PLXDC1: variants seen among roughly 807,000 people sequenced by gnomAD.
The protein encoded by PLXDC1 is plexin domain-containing protein 1.
PLXDC1 carries 39 observed loss-of-function variants against 61.3 expected under a neutral mutation model. The observed-to-expected ratio is 0.64, with a 90% CI of 0.49 to 0.83. The LOEUF (loss-of-function observed/expected upper bound fraction) is 0.83, where lower values mean the gene tolerates loss of function less well. PLXDC1 is among the 40% of genes least tolerant of loss of function. PLXDC1 has a pLI of 0.00. For missense variants in PLXDC1, 596 were observed against 666.5 expected (o/e 0.89, Z 1.17); for synonymous variants, 212 against 254.5 (o/e 0.83, Z 1.59).
chr17:39,106,855 T>C (rs1910611873), intron 6 of PLXDC1, among the ~76,000 whole-genome samples: 1 of 151,950 alleles, frequency 6.6e-6, no homozygotes. Flanking sequence ...TTTCATCATG[T>C]TGGCCAGGCT....
In PLXDC1 at chr17:39,107,456, A is replaced by G; in HGVS notation, c.662T>C (p.Phe221Ser). Residue 221 changes from phenylalanine to serine, a missense_variant, in exon 6 of 14, where the codon TTC (phenylalanine) becomes TCC (serine). Transcript: ENST00000315392. ...GCCGTCATGGTGCAGAGCTGCCTGGAAGGTGAAACTGCCCTTGTCTTCCCA... is the reference window on the plus strand; with the variant it reads ...GCCGTCATGGTGCAGAGCTGCCTGGGAGGTGAAACTGCCCTTGTCTTCCCA... ...QGWEDKGSFTFQAALHHDGRI... is the reference protein window; with the variant it reads ...QGWEDKGSFTSQAALHHDGRI... 1 of 1,614,102 alleles carries G rather than the reference A, an allele frequency of 6.2e-7. No individual in the cohort carries two copies. The highest frequency in any genetic ancestry group is 8.5e-7 in the Non-Finnish European group (1 of 1,179,978).
At chr17:39,116,310 C>T (rs1910962823) in intron 2 of PLXDC1, among the ~76,000 whole-genome samples, 1 of 152,088 alleles carries the variant, frequency 6.6e-6, no homozygotes, top group African/African-American at 2.4e-5. Context: ...GAGGCTGGAG[C>T]TCAGGGATGG....
At chr17:39,135,818 G>A (rs1911732989) in intron 2 of PLXDC1, among the ~76,000 whole-genome samples, 1 of 152,120 alleles carries the variant, frequency 6.6e-6, no homozygotes, top group African/African-American at 2.4e-5. Context: ...TTGCCCCAGT[G>A]TTTCTGAACC....
rs1908808272 is a variant in PLXDC1, at chr17:39,064,125, A to ACACACAC, written c.*3708_*3714dup. The ACACACAC allele has an allele frequency of 6.5e-6, 1 of 153,536 alleles. No individual in the cohort carries two copies. Among genetic ancestry groups the ACACACAC allele is most frequent in the East Asian group, 1.9e-4 (1 of 5,218 alleles). 9.5% of individuals were successfully genotyped at this position (153,536 alleles called of 1,614,324 possible). A position where few individuals can be genotyped will look rare whatever the true frequency, so the allele number is the denominator to read the frequency against. On this transcript the variant is annotated 3_prime_UTR_variant, in exon 14 of 14. Transcript: ENST00000315392. ...AAACATTAAACAAGGCTGTATACAA[A>ACACACAC]CACACACACAAACATACACAGATAC...
chr17:39,101,353 A>G (rs1910413241), intron 7 of PLXDC1, among the ~76,000 whole-genome samples: 2 of 152,152 alleles, frequency 1.3e-5, no homozygotes, highest in African/African-American at 4.8e-5. Flanking sequence ...CCGGCTTTAT[A>G]TCCAAGTCTA....
chr17:39,108,052 T>C, intron 5 of PLXDC1, 71 bp downstream of exon 5: 1 of 1,590,830 alleles, frequency 6.3e-7, no homozygotes, highest in Non-Finnish European at 8.6e-7. Context: ...CTCTAGGCCC[T>C]GTGCTCCTCT....
At chr17:39,114,110 C>T (rs1567765276) in intron 2 of PLXDC1, among the ~76,000 whole-genome samples, 1 of 152,182 alleles carries the variant, frequency 6.6e-6, no homozygotes, top group African/African-American at 2.4e-5. Context: ...ACAAGAGCCA[C>T]ACCCTAAGGA....
intron 2 of PLXDC1, among the ~76,000 whole-genome samples, chr17:39,128,089 C>CATATATGTGTGTATATATATGTATATA (rs1221469686): frequency 1.5e-5 from 1 of 68,782 alleles, no homozygotes. Flanking sequence ...CTCTCTCTCT[C>CATATATGTGTGTATATATATGTATATA]TCTATGTGTA....
At position 39,115,907 on chromosome 17, in the gene PLXDC1, G is replaced by A. The variant is rs76459798; in HGVS notation, c.256-6516C>T. Among the ~76,000 whole-genome samples the A allele has an allele frequency of 3.0e-4, 46 of 152,206 alleles. No individual in the cohort carries two copies. The East Asian group carries it at 6.4e-3, about 21-fold the overall frequency. On this transcript the variant is annotated intron_variant, in intron 2 of 13. Transcript: ENST00000315392. ...AGACAGGGCGGATCACCTGATGTCC[G>A]GAGTTCAAGACCAGCCTGGCCAACA... is the stretch of plus-strand genomic sequence containing the variant.
intron 2 of PLXDC1, among the ~76,000 whole-genome samples, chr17:39,113,378 G>T (rs1174663685): frequency 6.6e-6 from 1 of 152,212 alleles, no homozygotes; most frequent in East Asian, 1.9e-4. Flanking sequence ...CCTAGGAAAT[G>T]AATATCTGTG....
intron 2 of PLXDC1, among the ~76,000 whole-genome samples, chr17:39,114,121 T>A (rs1366659614): frequency 6.6e-6 from 1 of 152,146 alleles, no homozygotes; most frequent in Non-Finnish European, 1.5e-5. Flanking sequence ...ACCCTAAGGA[T>A]GGTGAAGTGG....
intron 2 of PLXDC1, 139 bp from the exon 3 acceptor site, chr17:39,109,530 G>A (rs1910722079): frequency 2.0e-6 from 2 of 1,013,596 alleles, no homozygotes; most frequent in Admixed American, 2.8e-5. Flanking sequence ...GGCCCCAAGG[G>A]CTGATTTAGG....
At chr17:39,142,326 C>G (rs751952838) in intron 1 of PLXDC1, among the ~76,000 whole-genome samples, 8 of 152,312 alleles carry the variant, frequency 5.3e-5, no homozygotes, top group Middle Eastern at 6.8e-3. Flanking sequence ...CAGAGGCACT[C>G]CAACTGAGAA....
chr17:39,127,274 A>G (rs972454038), intron 2 of PLXDC1, among the ~76,000 whole-genome samples: 2 of 152,130 alleles, frequency 1.3e-5, no homozygotes, highest in Non-Finnish European at 2.9e-5. Context: ...GAGGAGGGTG[A>G]GCAACTGCCC....
rs370370043 is a variant in PLXDC1 at position 39,079,145 on chromosome 17, G to A, written c.1009C>T (p.Arg337Cys). ...VLQRCSSGFD[R>C]YRQEWMDYGC... ...TAGTCCATCCACTCCTGGCGATAGC[G>A]GTCAAAGCCACTGGAGCATCTGCAG... Residue 337 changes from arginine to cysteine, a missense_variant, in exon 10 of 14, where the codon CGC (arginine) becomes TGC (cysteine). Arg to Cys is a radical substitution (Grantham distance 180). Transcript: ENST00000315392. 5.1e-5 allele frequency: 83 copies of A among 1,613,720 alleles called. No individual in the cohort carries two copies. The highest frequency in any genetic ancestry group is 1.0e-4 in the Admixed American group (6 of 59,998).
intron 2 of PLXDC1, among the ~76,000 whole-genome samples, chr17:39,133,977 G>GC: frequency 6.6e-6 from 1 of 150,864 alleles, no homozygotes; most frequent in Non-Finnish European, 1.5e-5. Flanking sequence ...AGAAAAATAG[G>GC]CCAGGTGCAG....
rs369142055 is a variant in PLXDC1, at chr17:39,087,654, G to T, written c.860C>A (p.Pro287His). 5.2e-5 allele frequency: 84 copies of T among 1,614,002 alleles called. No homozygotes were observed. The highest frequency in any genetic ancestry group is 6.7e-5 in the Non-Finnish European group (79 of 1,180,018). ...GGCCGACATGCTGGTGACCTTGCTGGGGTCCAGCTCTATGCGGTGATATTC... is the reference window on the plus strand; with the variant it reads ...GGCCGACATGCTGGTGACCTTGCTGTGGTCCAGCTCTATGCGGTGATATTC... ...IFEYHRIELD[P>H]SKVTSMSAVE... Residue 287 changes from proline to histidine, a missense_variant, in exon 8 of 14, where the codon CCC (proline) becomes CAC (histidine). Pro to His is a moderately conservative substitution (Grantham distance 77). Coordinates refer to ENST00000315392, the MANE Select transcript of PLXDC1 (RefSeq NM_020405.5).
chr17:39,120,758 ATTTTTT>A (rs57148436), intron 2 of PLXDC1, among the ~76,000 whole-genome samples: 19 of 124,362 alleles, frequency 1.5e-4, no homozygotes, highest in African/African-American at 5.1e-4. Flanking sequence ...CACCCAGCTA[ATTTTTT>A]TTTTTTTTTT....
At chr17:39,103,017 C>T (rs1050628654) in intron 7 of PLXDC1, among the ~76,000 whole-genome samples, 1 of 152,144 alleles carries the variant, frequency 6.6e-6, no homozygotes, top group Non-Finnish European at 1.5e-5. Flanking sequence ...GAGATTGAGA[C>T]CATCCTGGCT....
Sources: allele counts gnomAD v4.1 joint callset (sites outside exome capture counted in the v4.1 genomes callset), GRCh38; gene constraint gnomAD v4.1.1; transcripts MANE v1.5; gene names NCBI Gene and HGNC (gene_info 2026-07-23, HGNC 2026-07-21).